The following OCA2 variants were observed in gnomAD, a reference collection of about 807,000 sequenced individuals.
The protein encoded by OCA2 is P protein.
Under a neutral mutation model 100.2 loss-of-function variants are expected in OCA2, and 77 were observed. The observed-to-expected ratio is 0.77, with a 90% CI of 0.64 to 0.93. The LOEUF is 0.93. OCA2 is among the 40% of genes least tolerant of loss of function. The pLI is 0.00. For synonymous variants in OCA2, 432 were observed against 439.2 expected, an observed-to-expected ratio of 0.98 and a Z score of 0.21; for missense variants, 1,062 against 1,089.1, an observed-to-expected ratio of 0.98 and a Z score of 0.35.
chr15:27,847,080 G>A (rs978227607), intron 22 of OCA2, among the ~76,000 whole-genome samples: 3 of 152,110 alleles, frequency 2.0e-5, no homozygotes, highest in African/African-American at 7.2e-5. Flanking sequence ...CCCTCCCTGA[G>A]GGCCCTCCTT....
At chr15:27,988,649 T>C (rs1035514091) in intron 11 of OCA2, among the ~76,000 whole-genome samples, 1 of 152,214 alleles carries the variant, frequency 6.6e-6, no homozygotes, top group Admixed American at 6.5e-5. Context: ...ACACGGTCTG[T>C]GGTACTTTGT....
intron 18 of OCA2, among the ~76,000 whole-genome samples, chr15:27,932,741 C>T (rs993171742): frequency 4.6e-5 from 7 of 152,224 alleles, no homozygotes; most frequent in East Asian, 1.9e-4. Flanking sequence ...AAACACTAGC[C>T]GAACACAGTA....
chr15:27,907,845 A>T (rs967265019), intron 19 of OCA2, among the ~76,000 whole-genome samples: 1 of 152,210 alleles, frequency 6.6e-6, no homozygotes, highest in Admixed American at 6.5e-5. Context: ...TTTCCAAAGA[A>T]ATAAAAAGTT....
chr15:27,874,098 T>C (rs987480112), intron 19 of OCA2, among the ~76,000 whole-genome samples: 9 of 152,228 alleles, frequency 5.9e-5, no homozygotes, highest in African/African-American at 1.9e-4. Context: ...CTACCACTTA[T>C]TTCAAAATGA....
At chr15:27,855,350 C>T (rs1244274834) in intron 21 of OCA2, among the ~76,000 whole-genome samples, 2 of 152,252 alleles carry the variant, frequency 1.3e-5, no homozygotes, top group Admixed American at 6.5e-5. Flanking sequence ...AGCGCTCCCT[C>T]GCCAGGCTGT....
chr15:27,964,196 CT>C (rs2040491426), intron 15 of OCA2, among the ~76,000 whole-genome samples: 1 of 152,188 alleles, frequency 6.6e-6, no homozygotes. Flanking sequence ...TACAGAAATT[CT>C]TCCAAAAAAT....
At chr15:27,756,786 T>C (rs1034858895) in intron 23 of OCA2, among the ~76,000 whole-genome samples, 5 of 152,162 alleles carry the variant, frequency 3.3e-5, no homozygotes, top group Non-Finnish European at 7.4e-5. Context: ...GGCCATGTTT[T>C]AGAAGCAAAT....
intron 2 of OCA2, among the ~76,000 whole-genome samples, chr15:28,040,807 A>G (rs753992772): frequency 6.6e-6 from 1 of 152,248 alleles, no homozygotes; most frequent in African/African-American, 2.4e-5. Flanking sequence ...AAATCTGAAT[A>G]GACCTACAAC....
chr15:27,788,385 T>C (rs1416802652), intron 23 of OCA2, among the ~76,000 whole-genome samples: 1 of 152,114 alleles, frequency 6.6e-6, no homozygotes, highest in Non-Finnish European at 1.5e-5. Context: ...TAGGTATATG[T>C]ATATGAACAG....
At chr15:27,761,656 G>A (rs1055271318) in intron 23 of OCA2, among the ~76,000 whole-genome samples, 2 of 152,130 alleles carry the variant, frequency 1.3e-5, no homozygotes, top group Non-Finnish European at 2.9e-5. Flanking sequence ...CTCTAGAATA[G>A]CAAAGACAAT....
rs2035592689 is a variant in OCA2, at chr15:27,847,833, T to G, written c.2339-2781A>C. Among the ~76,000 whole-genome samples, 3 of 152,276 alleles carry G rather than the reference T, an allele frequency of 2.0e-5. No individual in the cohort carries two copies. The East Asian group carries it at 5.8e-4, about 29-fold the overall frequency. On this transcript the variant is annotated intron_variant, in intron 22 of 23. Coordinates refer to ENST00000354638, the MANE Select transcript of OCA2 (RefSeq NM_000275.3). Reference sequence around the variant, plus strand: ...AGGAAGATGCAAAACCAGCCGGTGTTAGCCGTAGGAAGCATTTACCTCCTG... The same window carrying G: ...AGGAAGATGCAAAACCAGCCGGTGTGAGCCGTAGGAAGCATTTACCTCCTG...
chr15:27,924,490 C>T (rs1251791525), intron 19 of OCA2, among the ~76,000 whole-genome samples: 2 of 151,786 alleles, frequency 1.3e-5, no homozygotes, highest in African/African-American at 2.4e-5. Context: ...AGGCATATAA[C>T]GTAGAAGTAC....
chr15:27,759,288 G>A (rs577657707), intron 23 of OCA2, among the ~76,000 whole-genome samples: 1 of 152,170 alleles, frequency 6.6e-6, no homozygotes, highest in East Asian at 1.9e-4. Flanking sequence ...TACCCTAAAA[G>A]TACTGCTAAG....
At chr15:27,828,068 A>T (rs929275804) in intron 23 of OCA2, among the ~76,000 whole-genome samples, 2 of 152,138 alleles carry the variant, frequency 1.3e-5, no homozygotes, top group Non-Finnish European at 2.9e-5. Context: ...AGAGTAGAAA[A>T]TTAACTTGAG....
intron 23 of OCA2, among the ~76,000 whole-genome samples, chr15:27,772,340 T>C (rs994702329): frequency 6.6e-6 from 1 of 152,264 alleles, no homozygotes; most frequent in African/African-American, 2.4e-5. Flanking sequence ...TACTATTACT[T>C]TTTTAATTTA....
chr15:27,864,699 A>G (rs2036256509), intron 21 of OCA2, among the ~76,000 whole-genome samples: 1 of 152,214 alleles, frequency 6.6e-6, no homozygotes, highest in Non-Finnish European at 1.5e-5. Context: ...ATGTGCATAA[A>G]TTACCAGCCT....
chr15:27,719,591 A>G, the OCA2 span, among the ~76,000 whole-genome samples: 2 of 152,230 alleles, frequency 1.3e-5, no homozygotes, highest in Non-Finnish European at 2.9e-5. Context: ...GTTTAGCAAT[A>G]TCTTAAAAAG....
At chr15:28,046,059 C>A (rs1361706704) in intron 2 of OCA2, among the ~76,000 whole-genome samples, 1 of 152,162 alleles carries the variant, frequency 6.6e-6, no homozygotes, top group Non-Finnish European at 1.5e-5. Context: ...CAGGGGACCA[C>A]AGAACCAAGT....
chr15:27,719,190 A>G, the OCA2 span, among the ~76,000 whole-genome samples: 6 of 152,214 alleles, frequency 3.9e-5, no homozygotes, highest in African/African-American at 7.2e-5. Context: ...GATCTTGAAC[A>G]TGCTGGAAGT....
Sources: gnomAD v4.1 joint callset for allele counts (sites outside exome capture counted in the v4.1 genomes callset) on GRCh38, gnomAD v4.1.1 for gene constraint, MANE v1.5 for transcripts, NCBI Gene and HGNC (gene_info 2026-07-23, HGNC 2026-07-21) for gene names.